ARHGAP42: variants seen among roughly 807,000 people sequenced by gnomAD.
ARHGAP42 encodes the protein rho GTPase-activating protein 42.
A neutral mutation model predicts 125.0 loss-of-function variants in ARHGAP42; 63 were observed. The ratio of observed to expected loss-of-function variants is 0.50; its 90% confidence interval spans 0.41 to 0.62. The LOEUF (loss-of-function observed/expected upper bound fraction) is 0.62, where lower values mean the gene tolerates loss of function less well. ARHGAP42 is among the 20% of genes least tolerant of loss of function. ARHGAP42 has a pLI of 0.00. For missense variants in ARHGAP42, 766 were observed against 1,024.2 expected (o/e 0.75, Z 3.44); for synonymous variants, 339 against 351.0 (o/e 0.97, Z 0.38).
At chr11:100,796,457 T>G (rs2135035025) in intron 3 of ARHGAP42, among the ~76,000 whole-genome samples, 1 of 152,292 alleles carries the variant, frequency 6.6e-6, no homozygotes, top group South Asian at 2.1e-4. Flanking sequence ...TGAAAGGAAG[T>G]GTCATGTGTC....
chr11:100,800,848 A>G (rs1952814816), intron 3 of ARHGAP42, among the ~76,000 whole-genome samples: 1 of 152,250 alleles, frequency 6.6e-6, no homozygotes, highest in South Asian at 2.1e-4. Context: ...AGCGCTGATC[A>G]CACAAATCTA....
At position 100,974,514 on chromosome 11, in the gene ARHGAP42, C is replaced by T. The variant is rs767175528; in HGVS notation, c.1766C>T (p.Ser589Phe). 6.4e-7 allele frequency: 1 copy of T among 1,550,856 alleles called. No homozygotes were observed. The highest frequency in any genetic ancestry group is 1.2e-5 in the South Asian group (1 of 84,014). Residue 589 changes from serine to phenylalanine, a missense_variant, in exon 19 of 24, where the codon TCT (serine) becomes TTT (phenylalanine). Transcript: ENST00000298815. ...SIPLPQPQSR[S>F]GSRRTRAICL... The stretch of plus-strand genomic sequence containing the variant: ...CCTCTTCCTCAGCCTCAGTCTCGAT[C>T]TGGATCCCGAAGGACACGAGCAATC...
chr11:100,836,940 C>CA (rs199797048), intron 3 of ARHGAP42, among the ~76,000 whole-genome samples: 1,862 of 151,844 alleles, frequency 0.012, 74 homozygotes, highest in East Asian at 0.071. Flanking sequence ...CTAGTTCCAG[C>CA]AAAATATTTT....
At chr11:100,896,200 C>T (rs1866356916) in intron 4 of ARHGAP42, among the ~76,000 whole-genome samples, 1 of 152,048 alleles carries the variant, frequency 6.6e-6, no homozygotes, top group Non-Finnish European at 1.5e-5. Flanking sequence ...GCATAGTATT[C>T]CATGGTGTAT....
chr11:100,866,379 G>T (rs528966462), intron 4 of ARHGAP42, among the ~76,000 whole-genome samples: 6 of 152,156 alleles, frequency 3.9e-5, no homozygotes, highest in Non-Finnish European at 8.8e-5. Context: ...CTTCTAGAAT[G>T]TTGAATCCTT....
chr11:100,954,844 G>A (rs1857763264), intron 12 of ARHGAP42, among the ~76,000 whole-genome samples: 1 of 152,100 alleles, frequency 6.6e-6, no homozygotes, highest in South Asian at 2.1e-4. Context: ...CATGAACACT[G>A]ATAAATGTAC....
At chr11:100,719,995 C>G (rs1861733382) in intron 1 of ARHGAP42, among the ~76,000 whole-genome samples, 1 of 152,206 alleles carries the variant, frequency 6.6e-6, no homozygotes, top group African/African-American at 2.4e-5. Flanking sequence ...GCTGAGTCAT[C>G]ATGTCCTAGT....
At position 100,830,406 on chromosome 11, in the gene ARHGAP42, C is replaced by T. The variant is rs183705349; in HGVS notation, c.313-29148C>T. Among the ~76,000 whole-genome samples, 338 of 152,278 alleles carry T rather than the reference C, an allele frequency of 2.2e-3. 1 individual carries two copies. Among genetic ancestry groups the T allele is most frequent in the African/African-American group, 7.6e-3 (314 of 41,554 alleles). ...TGGCTGCTGTAATATGGAGAGCACGCGCTTTCCTTCTTGTTCTTAGTGAGT... is the reference window on the plus strand; with the variant it reads ...TGGCTGCTGTAATATGGAGAGCACGTGCTTTCCTTCTTGTTCTTAGTGAGT... On this transcript the variant is annotated intron_variant, in intron 3 of 23. Transcript: ENST00000298815.
chr11:100,739,556 T>C (rs1323489078), intron 1 of ARHGAP42, among the ~76,000 whole-genome samples: 1 of 152,218 alleles, frequency 6.6e-6, no homozygotes, highest in Non-Finnish European at 1.5e-5. Flanking sequence ...ATATTTTGCA[T>C]AGTGAAGTGT....
chr11:100,767,551 C>T (rs1032467606), intron 1 of ARHGAP42, among the ~76,000 whole-genome samples: 1 of 152,052 alleles, frequency 6.6e-6, no homozygotes, highest in Non-Finnish European at 1.5e-5. Context: ...AAGTCAAGAA[C>T]GGTCTGGGAA....
intron 1 of ARHGAP42, among the ~76,000 whole-genome samples, chr11:100,704,660 TA>T (rs533892987): frequency 0.045 from 6,872 of 151,474 alleles, 201 homozygotes; most frequent in African/African-American, 0.093. Context: ...AATTGAAAGA[TA>T]ACTCTCAGGT....
At chr11:100,891,936 G>C (rs1866229934) in intron 4 of ARHGAP42, among the ~76,000 whole-genome samples, 1 of 152,154 alleles carries the variant, frequency 6.6e-6, no homozygotes, top group Non-Finnish European at 1.5e-5. Context: ...GAGCTAGCAG[G>C]GGAAAGGAGG....
At chr11:100,755,139 C>T (rs1013108614) in intron 1 of ARHGAP42, among the ~76,000 whole-genome samples, 6 of 152,138 alleles carry the variant, frequency 3.9e-5, no homozygotes, top group African/African-American at 1.2e-4. Context: ...AAATATGCTA[C>T]GGGTTAGTGA....
intron 4 of ARHGAP42, among the ~76,000 whole-genome samples, chr11:100,907,157 T>C (rs1445376396): frequency 6.6e-6 from 1 of 152,228 alleles, no homozygotes; most frequent in Non-Finnish European, 1.5e-5. Context: ...ATCATTCAAC[T>C]TTCTAACTCT....
chr11:100,794,989 A>G (rs1338360726), intron 2 of ARHGAP42, 116 bp from the exon 3 acceptor site: 2 of 698,806 alleles, frequency 2.9e-6, no homozygotes, highest in Non-Finnish European at 4.5e-6. Context: ...TTAATAGTAT[A>G]CAGAATATAC....
intron 6 of ARHGAP42, among the ~76,000 whole-genome samples, chr11:100,931,391 T>C (rs1867579418): frequency 6.6e-6 from 1 of 152,220 alleles, no homozygotes; most frequent in African/African-American, 2.4e-5. Context: ...CTGAATGGTT[T>C]ACTTCATGCT....
In ARHGAP42 at chr11:100,866,378, T is replaced by A. The variant is rs532197695; in HGVS notation, c.384+6753T>A. On this transcript the variant is annotated intron_variant, in intron 4 of 23. Transcript: ENST00000298815. Reference sequence around the variant, plus strand: ...TAAACGTTGTCAATGGCTTCTAGAATGTTGAATCCTTTCCAGAAGGTTTTC... The same window carrying A: ...TAAACGTTGTCAATGGCTTCTAGAAAGTTGAATCCTTTCCAGAAGGTTTTC... Among the ~76,000 whole-genome samples the A allele has an allele frequency of 3.9e-5, 6 of 152,318 alleles. No individual in the cohort carries two copies. In the South Asian group the frequency reaches 1.2e-3, roughly 32 times the overall value.
intron 4 of ARHGAP42, among the ~76,000 whole-genome samples, chr11:100,884,195 A>G (rs943474696): frequency 6.6e-6 from 1 of 152,226 alleles, no homozygotes; most frequent in Non-Finnish European, 1.5e-5. Context: ...GATTGCTGTC[A>G]GCTGATTTTT....
At chr11:100,899,716 TG>T (rs1866478673) in intron 4 of ARHGAP42, among the ~76,000 whole-genome samples, 7 of 76,190 alleles carry the variant, frequency 9.2e-5, no homozygotes, top group Non-Finnish European at 1.5e-4. Flanking sequence ...TTTTGTTTTG[TG>T]TTTTGTTTTT....
Sources: gnomAD v4.1 joint callset for allele counts (sites outside exome capture counted in the v4.1 genomes callset) on GRCh38, gnomAD v4.1.1 for gene constraint, MANE v1.5 for transcripts, NCBI Gene and HGNC (gene_info 2026-07-23, HGNC 2026-07-21) for gene names.